The following SNAP91 variants were observed in gnomAD, a reference collection of about 807,000 sequenced individuals.
SNAP91 encodes clathrin coat assembly protein AP180.
Under a neutral mutation model 100.3 loss-of-function variants are expected in SNAP91, and 27 were observed. The observed-to-expected ratio is 0.27, with a 90% confidence interval of 0.20 to 0.37. The LOEUF (loss-of-function observed/expected upper bound fraction) is 0.37. Among genes scored for constraint, SNAP91 ranks in the 10% least tolerant of loss-of-function variants. SNAP91 has a pLI of 1.00. For synonymous variants in SNAP91, 404 were observed against 398.6 expected (o/e 1.01, Z -0.16); for missense variants, 986 against 1,123.7 (o/e 0.88, Z 1.75).
At chr6:83,647,301 C>A (rs1252751274) in intron 7 of SNAP91, among the ~76,000 whole-genome samples, 1 of 152,126 alleles carries the variant, frequency 6.6e-6, no homozygotes, top group Admixed American at 6.5e-5. Flanking sequence ...AGCTTTTTCA[C>A]CATTAAATAT....
chr6:83,698,144 T>C (rs1450604120), intron 2 of SNAP91, among the ~76,000 whole-genome samples: 1 of 151,932 alleles, frequency 6.6e-6, no homozygotes, highest in African/African-American at 2.4e-5. Context: ...AGTTCAGCAA[T>C]GAACTGTGGG....
At chr6:83,643,558 T>G (rs1177216689) in intron 7 of SNAP91, among the ~76,000 whole-genome samples, 1 of 152,240 alleles carries the variant, frequency 6.6e-6, no homozygotes, top group Non-Finnish European at 1.5e-5. Context: ...TATCTCTGTT[T>G]TGATACCGGT....
At position 83,553,790 on chromosome 6, in the gene SNAP91, T is replaced by A. The variant is rs1300011906; in HGVS notation, c.*506A>T. ...TGAAGTTCCTGTGATTGGAAAAATG[T>A]ACTCCACACTGAAAAAGTTTTGTAT... On this transcript the variant is annotated 3_prime_UTR_variant, in exon 30 of 30. Coordinates refer to ENST00000369694, the MANE Select transcript of SNAP91 (RefSeq NM_001242792.2). The A allele has an allele frequency of 6.6e-6, 1 of 152,176 alleles. No individual in the cohort carries two copies. The highest frequency in any genetic ancestry group is 2.1e-4 in the South Asian group (1 of 4,832). The allele number at this position is 152,176 out of a possible 1,614,324, so 9.4% of individuals were successfully genotyped here.
chr6:83,560,001 T>G (rs1230663947), intron 28 of SNAP91, 103 bp downstream of exon 28: 17 of 929,540 alleles, frequency 1.8e-5, no homozygotes, highest in Non-Finnish European at 2.8e-5. Context: ...GCAACAGGTA[T>G]GAGGATTACA....
At chr6:83,689,261 A>G (rs2099102017) in intron 2 of SNAP91, among the ~76,000 whole-genome samples, 1 of 152,220 alleles carries the variant, frequency 6.6e-6, no homozygotes, top group African/African-American at 2.4e-5. Flanking sequence ...CTATCTCTTT[A>G]TACTTGAGTA....
chr6:83,626,566 T>C (rs2096938807), intron 8 of SNAP91, among the ~76,000 whole-genome samples: 1 of 152,138 alleles, frequency 6.6e-6, no homozygotes, highest in Non-Finnish European at 1.5e-5. Flanking sequence ...CTTGTAGAGA[T>C]CTTTTATCTC....
chr6:83,608,106 A>G (rs889447314), intron 12 of SNAP91, among the ~76,000 whole-genome samples: 5 of 152,216 alleles, frequency 3.3e-5, no homozygotes, highest in Admixed American at 1.3e-4. Flanking sequence ...TTTCCTGAAC[A>G]TAAAATTATT....
Position 83,575,057 on chromosome 6 carries a change from C to A in SNAP91, c.2395G>T (p.Val799Leu). 4 of 1,605,230 alleles carry A rather than the reference C, an allele frequency of 2.5e-6. No individual in the cohort carries two copies. The highest frequency in any genetic ancestry group is 3.4e-6 in the Non-Finnish European group (4 of 1,175,650). ...CCTGCTGACCAGGTTGCTGGAGCTA[C>A]TTTAGGCTGCCAGTTGGCTCCACCA... Reference protein sequence around the residue: ...LTGGANWQPKVAPATWSAGVP... With the variant: ...LTGGANWQPKLAPATWSAGVP... Residue 799 changes from valine (V) to leucine (L), a missense_variant, in exon 26 of 30, where the codon GTA becomes TTA. By Grantham distance (32) the Val-to-Leu change is conservative (BLOSUM62 1). Transcript: ENST00000369694.
intron 26 of SNAP91, among the ~76,000 whole-genome samples, chr6:83,567,638 T>G (rs1336541400): frequency 1.3e-5 from 2 of 151,686 alleles, no homozygotes; most frequent in Non-Finnish European, 1.5e-5. Context: ...CTCAAAGAAC[T>G]CAAACAAATT....
intron 9 of SNAP91, among the ~76,000 whole-genome samples, chr6:83,622,461 T>C (rs1213173553): frequency 1.3e-5 from 2 of 151,930 alleles, no homozygotes; most frequent in African/African-American, 4.8e-5. Flanking sequence ...ATTTTTTCTA[T>C]TATAATGACT....
At chr6:83,621,783 T>C (rs1327205567) in intron 9 of SNAP91, among the ~76,000 whole-genome samples, 1 of 152,078 alleles carries the variant, frequency 6.6e-6, no homozygotes, top group Non-Finnish European at 1.5e-5. Flanking sequence ...AGAGCCTACT[T>C]TCTCTTTTAT....
intron 2 of SNAP91, chr6:83,686,338 C>T (rs1266692132): frequency 1.7e-5 from 4 of 242,026 alleles, no homozygotes; most frequent in African/African-American, 2.3e-5. Flanking sequence ...ATTTATATAA[C>T]TCTCAATAAA....
intron 3 of SNAP91, 137 bp from the exon 4 acceptor site, chr6:83,662,559 C>T (rs917394781): frequency 1.1e-5 from 4 of 366,618 alleles, no homozygotes; most frequent in Admixed American, 4.6e-5. Flanking sequence ...TCCTAGAATG[C>T]TGAATTTCTC....
chr6:83,578,508 C>A (rs940038314), intron 24 of SNAP91, among the ~76,000 whole-genome samples: 4 of 152,042 alleles, frequency 2.6e-5, no homozygotes, highest in African/African-American at 9.7e-5. Flanking sequence ...TGTATATATT[C>A]TTTGGAGAAT....
At chr6:83,664,754 T>C (rs1486857102) in intron 3 of SNAP91, among the ~76,000 whole-genome samples, 1 of 152,148 alleles carries the variant, frequency 6.6e-6, no homozygotes, top group Non-Finnish European at 1.5e-5. Flanking sequence ...TTGAGAGGAT[T>C]GACTCCAATT....
intron 8 of SNAP91, among the ~76,000 whole-genome samples, chr6:83,626,833 C>T (rs561287898): frequency 1.3e-5 from 2 of 151,992 alleles, no homozygotes; most frequent in East Asian, 3.9e-4. Flanking sequence ...TCCTCTTTTC[C>T]TATTTGGATT....
chr6:83,600,882 C>A (rs1234924311), intron 16 of SNAP91, among the ~76,000 whole-genome samples: 1 of 152,170 alleles, frequency 6.6e-6, no homozygotes, highest in Non-Finnish European at 1.5e-5. Flanking sequence ...CTCCTACATT[C>A]CCCAAATATT....
intron 8 of SNAP91, among the ~76,000 whole-genome samples, chr6:83,635,268 G>C (rs748434353): frequency 6.6e-6 from 1 of 152,138 alleles, no homozygotes; most frequent in Non-Finnish European, 1.5e-5. Context: ...TTGTGTGGCT[G>C]TCTGTCTTTT....
In SNAP91 at chr6:83,593,536, A is replaced by G; in HGVS notation, c.1638T>C (p.Thr546=). The G allele has an allele frequency of 1.9e-6, 3 of 1,553,364 alleles. No homozygotes were observed. Among genetic ancestry groups the G allele is most frequent in the Non-Finnish European group, 2.6e-6 (3 of 1,147,836 alleles). The change falls in exon 18 of 30, where the codon ACT becomes ACC. Residue 546 remains threonine (T), a synonymous_variant. Transcript: ENST00000369694. ...TTAATAAATT[T]TTTSAATATT... ...TGGCGGTGGCAGCGGAGGTGGTGGT[A>G]GTGGTGGTGGCAGCGGCGGTGGCAG...
Sources: gnomAD v4.1 joint callset for allele counts (sites outside exome capture counted in the v4.1 genomes callset) on GRCh38, gnomAD v4.1.1 for gene constraint, MANE v1.5 for transcripts, NCBI Gene and HGNC (gene_info 2026-07-23, HGNC 2026-07-21) for gene names.